Variants in FGF14 observed in about 807,000 individuals in gnomAD.
The protein encoded by FGF14 is fibroblast growth factor homologous factor 4.
A neutral mutation model predicts 25.5 loss-of-function variants in FGF14; 5 were observed. The ratio of observed to expected loss-of-function variants is 0.20; its 90% CI spans 0.10 to 0.41. The LOEUF (loss-of-function observed/expected upper bound fraction) is 0.41. Among genes scored for constraint, FGF14 ranks in the 10% least tolerant of loss-of-function variants. The pLI is 1.00. For missense variants in FGF14, 222 were observed against 320.1 expected (o/e 0.69, Z 2.34); for synonymous variants, 138 against 118.3 (o/e 1.17, Z -1.08).
chr13:101,765,792 C>T (rs930326991), intron 3 of FGF14, among the ~76,000 whole-genome samples: 15 of 151,896 alleles, frequency 9.9e-5, no homozygotes, highest in Admixed American at 7.2e-4. Context: ...TACAGTGGTG[C>T]GATCTCGGCT....
At chr13:102,181,201 T>TAATAA in intron 1 of FGF14, among the ~76,000 whole-genome samples, 1 of 152,286 alleles carries the variant, frequency 6.6e-6, no homozygotes, top group South Asian at 2.1e-4. Context: ...TTAAAAGATT[T>TAATAA]TCAGTGTTCT....
At chr13:102,238,074 T>C (rs2051410141) in intron 1 of FGF14, among the ~76,000 whole-genome samples, 1 of 152,214 alleles carries the variant, frequency 6.6e-6, no homozygotes, top group African/African-American at 2.4e-5. Flanking sequence ...TTTTCTTTAT[T>C]ATCATTGAAT....
chr13:101,778,805 AC>A (rs1199375817), intron 3 of FGF14: 11 of 152,138 alleles, frequency 7.2e-5, no homozygotes, highest in Admixed American at 7.2e-4. Flanking sequence ...CTTAAAGAAA[AC>A]AGCTTCTGCT....
intron 1 of FGF14, among the ~76,000 whole-genome samples, chr13:102,389,962 C>T (rs1436819436): frequency 6.6e-6 from 1 of 152,060 alleles, no homozygotes; most frequent in Non-Finnish European, 1.5e-5. Context: ...CTTGGTAGTT[C>T]CTGAAATTTT....
intron 1 of FGF14, among the ~76,000 whole-genome samples, chr13:102,151,653 C>T (rs1402795101): frequency 6.6e-6 from 1 of 152,084 alleles, no homozygotes; most frequent in African/African-American, 2.4e-5. Flanking sequence ...CACCTGCCAC[C>T]ATGCCCGGCT....
chr13:101,941,560 T>G (rs2035452921), intron 1 of FGF14, among the ~76,000 whole-genome samples: 1 of 152,192 alleles, frequency 6.6e-6, no homozygotes, highest in Non-Finnish European at 1.5e-5. Context: ...GAGTTCCATT[T>G]CCTGGGCCCT....
intron 1 of FGF14, among the ~76,000 whole-genome samples, chr13:101,972,682 CCT>C (rs1294271769): frequency 6.6e-6 from 1 of 150,718 alleles, no homozygotes; most frequent in Non-Finnish European, 1.5e-5. Flanking sequence ...TTTTTTTCTC[CCT>C]TTTTGTGGAG....
At chr13:101,952,023 T>C (rs993483245) in intron 1 of FGF14, among the ~76,000 whole-genome samples, 1 of 152,200 alleles carries the variant, frequency 6.6e-6, no homozygotes, top group African/African-American at 2.4e-5. Context: ...GCTTTATAAA[T>C]GTGATACAAT....
rs1555369390 is a variant in FGF14, at chr13:102,161,570, A to AGAAGAAG, written c.208+239900_208+239901insCTTCTTC. ...TCTATGCAACCAACTTTCTGTGAAG[A>AGAAGAAG]AAGAAAGAAGAAGAAGAAGAAGAAG... On this transcript the variant is annotated intron_variant, in intron 1 of 4. Transcript: ENST00000376131. Among the ~76,000 whole-genome samples the AGAAGAAG allele has an allele frequency of 1.6e-3, 9 of 5,652 alleles. 4 individuals are homozygous for AGAAGAAG. The highest frequency in any genetic ancestry group is 2.2e-3 in the Non-Finnish European group (9 of 4,184). 3.7% of individuals were successfully genotyped at this position (5,652 alleles called of 152,430 possible).
At chr13:102,279,265 T>C (rs901501251) in intron 1 of FGF14, among the ~76,000 whole-genome samples, 69 of 152,292 alleles carry the variant, frequency 4.5e-4, no homozygotes, top group African/African-American at 1.5e-3. Context: ...CCAAGTAATA[T>C]ATTTACATGG....
chr13:101,970,152 G>A (rs1265099751), intron 1 of FGF14, among the ~76,000 whole-genome samples: 1 of 152,224 alleles, frequency 6.6e-6, no homozygotes. Context: ...CTGAGGCTCA[G>A]AGAGGCTGAA....
chr13:102,063,796 G>T (rs1035710486), intron 1 of FGF14, among the ~76,000 whole-genome samples: 1 of 152,106 alleles, frequency 6.6e-6, no homozygotes, highest in Non-Finnish European at 1.5e-5. Flanking sequence ...GTCAGAATTT[G>T]CAGATAATAT....
chr13:101,797,772 T>TGTGTGTGC (rs1555384575), intron 3 of FGF14, among the ~76,000 whole-genome samples: 8,881 of 145,584 alleles, frequency 0.061, 411 homozygotes, highest in East Asian at 0.16. Context: ...TGTGTGTGTG[T>TGTGTGTGC]GTGTGTGTGT....
intron 3 of FGF14, among the ~76,000 whole-genome samples, chr13:101,818,203 GA>G (rs2041936520): frequency 6.6e-6 from 1 of 152,204 alleles, no homozygotes; most frequent in Admixed American, 6.5e-5. Context: ...TGTCAGGAGT[GA>G]AAGATTCATT....
chr13:102,116,086 G>A (rs2045457485), intron 1 of FGF14, among the ~76,000 whole-genome samples: 1 of 152,098 alleles, frequency 6.6e-6, no homozygotes, highest in East Asian at 1.9e-4. Flanking sequence ...CTCCAGCCTG[G>A]GCAACAAGAG....
intron 1 of FGF14, among the ~76,000 whole-genome samples, chr13:102,077,156 C>A (rs2043402404): frequency 6.6e-6 from 1 of 152,008 alleles, no homozygotes; most frequent in East Asian, 1.9e-4. Context: ...CCTAATAAAT[C>A]TTAAACATTT....
chr13:102,288,597 AT>A (rs1182424028), intron 1 of FGF14, among the ~76,000 whole-genome samples: 5 of 150,992 alleles, frequency 3.3e-5, no homozygotes, highest in Non-Finnish European at 7.4e-5. Context: ...TTTTATTTTT[AT>A]TTTTGAGATG....
At chr13:101,969,200 T>A (rs2037435516) in intron 1 of FGF14, among the ~76,000 whole-genome samples, 1 of 152,152 alleles carries the variant, frequency 6.6e-6, no homozygotes. Flanking sequence ...TTGTCACTTA[T>A]CATGGGTGGG....
chr13:101,898,341 A>AAT (rs2031021734), intron 1 of FGF14, among the ~76,000 whole-genome samples: 1 of 144,372 alleles, frequency 6.9e-6, no homozygotes, highest in East Asian at 2.1e-4. Context: ...TGAAACATAC[A>AAT]ACACACACAC....
Sources: gnomAD v4.1 joint callset for allele counts (sites outside exome capture counted in the v4.1 genomes callset) on GRCh38, gnomAD v4.1.1 for gene constraint, MANE v1.5 for transcripts, NCBI Gene and HGNC (gene_info 2026-07-23, HGNC 2026-07-21) for gene names.